Variants in MYO7B observed in about 807,000 individuals in gnomAD.
MYO7B encodes unconventional myosin-VIIb.
Under a neutral mutation model 259.7 loss-of-function variants are expected in MYO7B, and 212 were observed. That is an observed-to-expected ratio of 0.82 (90% CI 0.73 to 0.91). MYO7B has a LOEUF of 0.91. Among genes scored for constraint, MYO7B ranks in the 40% least tolerant of loss-of-function variants. The probability of loss-of-function intolerance (pLI) is 0.00; values close to 1 mark genes in which losing one functional copy is unlikely to be tolerated. For synonymous variants in MYO7B, 1,197 were observed against 1,166.4 expected (o/e 1.03, Z -0.54); for missense variants, 2,732 against 2,813.5 (o/e 0.97, Z 0.66).
chr2:127,597,835 G>A lies in MYO7B; in HGVS notation c.2339+1279G>A, dbSNP rs1203500355. 2.6e-5 allele frequency among the ~76,000 whole-genome samples: 4 copies of A among 151,740 alleles called. No individual in the cohort carries two copies. Among genetic ancestry groups the A allele is most frequent in the African/African-American group, 7.3e-5 (3 of 41,276 alleles). On this transcript the variant is annotated intron_variant, in intron 19 of 47. Coordinates refer to ENST00000409816, the MANE Select transcript of MYO7B (RefSeq NM_001393586.1). This position sits in a 1 kb window ranked among gnomAD's most constrained non-coding sequence, Gnocchi z 4.8. ...GTATTTTTTGTAGAGATGGGGTTTC[G>A]CCATGTTACCCAAACTGGTCTCAAA...
intron 36 of MYO7B, 38 bp from the exon 37 acceptor site, chr2:127,631,168 C>A: frequency 6.5e-7 from 1 of 1,550,118 alleles, no homozygotes; most frequent in Non-Finnish European, 8.7e-7. Flanking sequence ...ACAGAGAAGG[C>A]CACAGGGCAG....
chr2:127,566,626 A>G lies in MYO7B; in HGVS notation c.286-17A>G. 1 of 1,556,390 alleles carries G rather than the reference A, an allele frequency of 6.4e-7. No homozygotes were observed. Among genetic ancestry groups the G allele is most frequent in the African/African-American group, 1.4e-5 (1 of 73,794 alleles). On this transcript the variant is annotated splice_polypyrimidine_tract_variant and intron_variant, in intron 4 of 47. Coordinates refer to ENST00000409816, the MANE Select transcript of MYO7B (RefSeq NM_001393586.1). Reference sequence around the variant, plus strand: ...CTGCCAGGGGCAGAGGGCACTGACCACCTGCTTCCTTCCCAGACATACACA... The same window carrying G: ...CTGCCAGGGGCAGAGGGCACTGACCGCCTGCTTCCTTCCCAGACATACACA...
chr2:127,628,246 C>A lies in MYO7B; in HGVS notation c.4461-126C>A. The stretch of plus-strand genomic sequence containing the variant: ...AGTGGTGTCTGGCCTAGTCCTGGCC[C>A]TGGCAGAGCAGCTCTGTGTCCTCAT... On this transcript the variant is annotated intron_variant, in intron 33 of 47. Transcript: ENST00000409816. This position sits in a 1 kb window ranked among gnomAD's most constrained non-coding sequence, Gnocchi z 4.8. The A allele has an allele frequency of 8.4e-7, 1 of 1,196,280 alleles. No homozygotes were observed. The highest frequency in any genetic ancestry group is 1.2e-6 in the Non-Finnish European group (1 of 837,528). The allele number at this position is 1,196,280 out of a possible 1,614,324, so 74.1% of individuals were successfully genotyped here. A position where few individuals can be genotyped will look rare whatever the true frequency, so the allele number is the denominator to read the frequency against.
chr2:127,633,369 G>A lies in MYO7B; in HGVS notation c.5511+6G>A, dbSNP rs1681626913. The A allele has an allele frequency of 2.5e-6, 4 of 1,611,840 alleles. No individual in the cohort carries two copies. The highest frequency in any genetic ancestry group is 2.7e-5 in the African/African-American group (2 of 75,034). ...TCCCCAATGACACCAGTGAGGTGAGGCCCTGCTCTGGTCTGCACGGCAAGT... is the reference window on the plus strand; with the variant it reads ...TCCCCAATGACACCAGTGAGGTGAGACCCTGCTCTGGTCTGCACGGCAAGT... On this transcript the variant is annotated splice_donor_region_variant and intron_variant, in intron 40 of 47. Transcript: ENST00000409816.
intron 28 of MYO7B, among the ~76,000 whole-genome samples, 191 bp downstream of exon 28, chr2:127,622,292 C>T (rs558255071): frequency 1.3e-5 from 2 of 152,124 alleles, no homozygotes; most frequent in Non-Finnish European, 2.9e-5. Context: ...CCAGGCGTGA[C>T]CCCCATCTCC....
intron 31 of MYO7B, 177 bp from the exon 32 acceptor site, chr2:127,626,793 AAGGAT>A (rs1558846719): frequency 1.7e-6 from 1 of 582,244 alleles, no homozygotes; most frequent in East Asian, 3.0e-5. Flanking sequence ...AAGAAAAAAA[AAGGAT>A]AGGGCTGCAC....
rs1287688016 is a variant in MYO7B at position 127,539,042 on chromosome 2, C to A, written c.-24+3211C>A. Among the ~76,000 whole-genome samples, 1 of 152,176 alleles carries A rather than the reference C, an allele frequency of 6.6e-6. No homozygotes were observed. Among genetic ancestry groups the A allele is most frequent in the African/African-American group, 2.4e-5 (1 of 41,424 alleles). ...TTCAGCACAGTGTCTGTCTGAGCTC[C>A]TACTCTGTTCTGGGGGCTGGGGGCA... On this transcript the variant is annotated intron_variant, in intron 1 of 47. Transcript: ENST00000409816. The surrounding 1 kb of genome is among the most constrained non-coding windows in gnomAD (Gnocchi z 4.0).
chr2:127,580,702 C>A (rs1193527910), intron 9 of MYO7B, 44 bp from the exon 10 acceptor site: 1 of 1,571,820 alleles, frequency 6.4e-7, no homozygotes, highest in Admixed American at 1.8e-5. Context: ...GCTCCCATCG[C>A]TCCAGGCTGC....
rs1558848542 is a variant in MYO7B, at chr2:127,628,054, G to A, written c.4461-318G>A. On this transcript the variant is annotated intron_variant, in intron 33 of 47. Transcript: ENST00000409816. The surrounding 1 kb of genome is among the most constrained non-coding windows in gnomAD (Gnocchi z 4.8). ...TTAGGTGGCTCAGAGTAAGCACATG[G>A]CAGAGCCGGCAGCTCATCTCAGCTC... 9.1e-6 allele frequency: 5 copies of A among 550,934 alleles called. No individual in the cohort carries two copies. The East Asian group carries it at 1.8e-4, about 20-fold the overall frequency. 34.1% of individuals were successfully genotyped at this position (550,934 alleles called of 1,614,324 possible).
intron 12 of MYO7B, among the ~76,000 whole-genome samples, chr2:127,583,138 G>A (rs1407705139): frequency 6.6e-6 from 1 of 152,220 alleles, no homozygotes; most frequent in Non-Finnish European, 1.5e-5. Context: ...CCAGCTCACT[G>A]AAAGGGCTTG....
Position 127,620,404 on chromosome 2 carries a change from C to A in MYO7B, c.3463C>A (p.Arg1155=). The stretch of plus-strand genomic sequence containing the variant: ...GAACTTCAAAACAAGCAGCCTGGCC[C>A]GGGGCTGGATCCTGCTCAGCCTCTG... ...SENFKTSSLA[R]GWILLSLCLG... The change falls in exon 27 of 48, where the codon CGG becomes AGG. Residue 1155 remains arginine, a synonymous_variant. Coordinates refer to ENST00000409816, the MANE Select transcript of MYO7B (RefSeq NM_001393586.1). The A allele has an allele frequency of 1.4e-6, 2 of 1,450,738 alleles. No individual in the cohort carries two copies. Among genetic ancestry groups the A allele is most frequent in the African/African-American group, 1.4e-5 (1 of 69,562 alleles). The allele number at this position is 1,450,738 out of a possible 1,614,324, so 89.9% of individuals were successfully genotyped here. A position where few individuals can be genotyped will look rare whatever the true frequency, so the allele number is the denominator to read the frequency against.
At chr2:127,575,609 A>G (rs1163427727) in intron 7 of MYO7B, among the ~76,000 whole-genome samples, 1 of 152,212 alleles carries the variant, frequency 6.6e-6, no homozygotes, top group Admixed American at 6.5e-5. Flanking sequence ...AACTATTTAT[A>G]GATATACTAT....
At chr2:127,562,338 C>A (rs1296330040) in intron 2 of MYO7B, among the ~76,000 whole-genome samples, 1 of 152,100 alleles carries the variant, frequency 6.6e-6, no homozygotes, top group Non-Finnish European at 1.5e-5. Context: ...TCTCTGTCAG[C>A]AAAGCTGGAG....
Position 127,627,373 on chromosome 2 carries a change from CGGGGAGAGAT to C in MYO7B, c.4460+72_4460+81del, listed in dbSNP as rs1681192304. On this transcript the variant is annotated intron_variant, in intron 33 of 47. Transcript: ENST00000409816. This position sits in a 1 kb window ranked among gnomAD's most constrained non-coding sequence, Gnocchi z 5.6. ...AGTCCTTGTGATGCATCTGGGGGCTCGGGGAGAGATGGGGAGAGGGGCAGTGTGCCGTCCC... is the reference window on the plus strand; with the variant it reads ...AGTCCTTGTGATGCATCTGGGGGCTCGGGGAGAGGGGCAGTGTGCCGTCCC... 6 of 770,200 alleles carry C rather than the reference CGGGGAGAGAT, an allele frequency of 7.8e-6. No individual in the cohort carries two copies. Among genetic ancestry groups the C allele is most frequent in the South Asian group, 1.8e-5 (1 of 55,690 alleles). The allele number at this position is 770,200 out of a possible 1,614,324, so 47.7% of individuals were successfully genotyped here.
In MYO7B at chr2:127,539,878, C is replaced by G. The variant is rs904145709; in HGVS notation, c.-24+4047C>G. Reference sequence around the variant, plus strand: ...CCCAAAGTCCATTGTATCGTTCTTACGCCTTTGCAGCCTCATAGCTTAGCT... The same window carrying G: ...CCCAAAGTCCATTGTATCGTTCTTAGGCCTTTGCAGCCTCATAGCTTAGCT... On this transcript the variant is annotated intron_variant, in intron 1 of 47. Coordinates refer to ENST00000409816, the MANE Select transcript of MYO7B (RefSeq NM_001393586.1). The surrounding 1 kb of genome is among the most constrained non-coding windows in gnomAD (Gnocchi z 4.0). Among the ~76,000 whole-genome samples, 6 of 152,210 alleles carry G rather than the reference C, an allele frequency of 3.9e-5. No homozygotes were observed. The highest frequency in any genetic ancestry group is 7.4e-5 in the Non-Finnish European group (5 of 68,024).
Position 127,576,385 on chromosome 2 carries a change from G to A in MYO7B, c.736-210G>A, listed in dbSNP as rs1427805488. The stretch of plus-strand genomic sequence containing the variant: ...GGAGCAGTCAAGATGCAGGGAAATG[G>A]AGTTCTCAGGGCAGGGATGAGACAG... On this transcript the variant is annotated intron_variant, in intron 7 of 47. Coordinates refer to ENST00000409816, the MANE Select transcript of MYO7B (RefSeq NM_001393586.1). The surrounding 1 kb of genome is among the most constrained non-coding windows in gnomAD (Gnocchi z 4.9). 1.3e-5 allele frequency among the ~76,000 whole-genome samples: 2 copies of A among 152,154 alleles called. No individual in the cohort carries two copies. Among genetic ancestry groups the A allele is most frequent in the Admixed American group, 1.3e-4 (2 of 15,274 alleles).
chr2:127,634,491 C>T lies in MYO7B; in HGVS notation c.5626-105C>T, dbSNP rs537336266. 3.2e-5 allele frequency: 34 copies of T among 1,075,918 alleles called. 1 individual carries two copies. The highest frequency in any genetic ancestry group is 1.4e-4 in the African/African-American group (9 of 63,714). The allele number at this position is 1,075,918 out of a possible 1,614,324, so 66.6% of individuals were successfully genotyped here. On this transcript the variant is annotated intron_variant, in intron 41 of 47. Transcript: ENST00000409816. The stretch of plus-strand genomic sequence containing the variant: ...ATAGCCCACGCACAGCCGACTCCAG[C>T]GCAGCACCCAGGCCGTAGGCGGCCA...
intron 37 of MYO7B, 70 bp from the exon 38 acceptor site, chr2:127,631,530 G>A: frequency 6.4e-7 from 1 of 1,565,948 alleles, no homozygotes; most frequent in Non-Finnish European, 8.7e-7. Context: ...GCCGGGGTCG[G>A]GGTCAGCGTC....
At chr2:127,547,027 A>G (rs1299217269) in intron 1 of MYO7B, among the ~76,000 whole-genome samples, 2 of 151,526 alleles carry the variant, frequency 1.3e-5, no homozygotes, top group Non-Finnish European at 2.9e-5. Context: ...CATCCATCCA[A>G]CTACCCATAC....
Sources: allele counts gnomAD v4.1 joint callset (sites outside exome capture counted in the v4.1 genomes callset), GRCh38; gene constraint gnomAD v4.1.1; non-coding constraint Gnocchi (gnomAD v3.1); transcripts MANE v1.5; gene names NCBI Gene and HGNC (gene_info 2026-07-23, HGNC 2026-07-21).